The following ZNF140 variants were observed in gnomAD, a reference collection of about 807,000 sequenced individuals.
ZNF140 encodes zinc finger protein 140, also known as zinc finger protein 140 (clone pHZ-39).
ZNF140 carries 13 observed loss-of-function variants against 12.9 expected under a neutral mutation model. The observed-to-expected ratio is 1.01, with a 90% confidence interval of 0.66 to 1.60. The LOEUF (loss-of-function observed/expected upper bound fraction) is 1.60, where lower values mean the gene tolerates loss of function less well. Among genes scored for constraint, ZNF140 ranks in the 40% most tolerant of loss-of-function variants. ZNF140 has a pLI of 0.00. For missense variants in ZNF140, 531 were observed against 548.8 expected, an observed-to-expected ratio of 0.97 and a Z score of 0.32; for synonymous variants, 214 against 186.7, an observed-to-expected ratio of 1.15 and a Z score of -1.19.
chr12:133,090,064 G>A (rs1466919122), intron 4 of ZNF140, among the ~76,000 whole-genome samples: 1 of 151,978 alleles, frequency 6.6e-6, no homozygotes, highest in Admixed American at 6.6e-5. Context: ...GGCCAGGCTG[G>A]TCTTGAACTC....
chr12:133,095,465 C>T (rs1012166588), intron 4 of ZNF140, among the ~76,000 whole-genome samples: 32 of 148,296 alleles, frequency 2.2e-4, no homozygotes, highest in African/African-American at 7.1e-4. Context: ...CCACATCGGG[C>T]GCCAGATGAA....
chr12:133,082,940 A>T, intron 2 of ZNF140, 163 bp from the exon 3 acceptor site: 1 of 971,788 alleles, frequency 1.0e-6, no homozygotes, highest in Non-Finnish European at 1.5e-6. Context: ...ACAAAACACA[A>T]GAGCTAGGCT....
chr12:133,091,110 T>C (rs1954864255), intron 4 of ZNF140, among the ~76,000 whole-genome samples: 1 of 149,450 alleles, frequency 6.7e-6, no homozygotes, highest in Non-Finnish European at 1.5e-5. Context: ...CACAGACCTT[T>C]TACAGGTGTC....
chr12:133,081,356 T>TATATATATATATAC, intron 2 of ZNF140, 27 bp downstream of exon 2: 2 of 259,582 alleles, frequency 7.7e-6, no homozygotes, highest in Non-Finnish European at 6.4e-6. Context: ...TAAATATATA[T>TATATATATATATAC]ATATATATAT....
intron 4 of ZNF140, among the ~76,000 whole-genome samples, chr12:133,091,195 A>G (rs368373837): frequency 1.9e-4 from 29 of 150,532 alleles, no homozygotes; most frequent in African/African-American, 7.1e-4. Flanking sequence ...GAAACCTTGG[A>G]CAATACCCTG....
chr12:133,082,729 T>C (rs1316666852), intron 2 of ZNF140: 1 of 165,324 alleles, frequency 6.0e-6, no homozygotes, highest in African/African-American at 2.4e-5. Flanking sequence ...AAATTCTGGC[T>C]GAATTATATT....
chr12:133,092,631 G>A (rs1203411465), intron 4 of ZNF140, among the ~76,000 whole-genome samples: 1 of 151,164 alleles, frequency 6.6e-6, no homozygotes, highest in Non-Finnish European at 1.5e-5. Flanking sequence ...TTTGGTCGGG[G>A]TGATGAAATT....
At chr12:133,085,723 T>A (rs1057031494) in intron 4 of ZNF140, among the ~76,000 whole-genome samples, 10 of 152,234 alleles carry the variant, frequency 6.6e-5, no homozygotes, top group African/African-American at 2.2e-4. Context: ...AAATTATTTT[T>A]AAAATGTTTT....
At chr12:133,096,080 C>G (rs1247708502) in intron 4 of ZNF140, among the ~76,000 whole-genome samples, 2 of 151,554 alleles carry the variant, frequency 1.3e-5, no homozygotes, top group Non-Finnish European at 3.0e-5. Flanking sequence ...TCAGGTCTTT[C>G]TCATCCCACG....
chr12:133,084,137 T>G, intron 4 of ZNF140: 1 of 433,098 alleles, frequency 2.3e-6, no homozygotes, highest in East Asian at 7.2e-5. Context: ...TTCCCATTGT[T>G]AGTTCTGTCT....
At chr12:133,089,722 T>C (rs956818475) in intron 4 of ZNF140, among the ~76,000 whole-genome samples, 20 of 152,234 alleles carry the variant, frequency 1.3e-4, no homozygotes, top group Non-Finnish European at 2.9e-4. Context: ...ATATTAATAA[T>C]GTATGACATC....
At chr12:133,093,995 C>T (rs1954984884) in intron 4 of ZNF140, among the ~76,000 whole-genome samples, 1 of 151,174 alleles carries the variant, frequency 6.6e-6, no homozygotes, top group South Asian at 2.1e-4. Context: ...TTTTCTTTCT[C>T]TTTTTCTCCC....
At chr12:133,080,481 C>A (rs1272370995), upstream of ZNF140, 1 of 152,394 alleles carries the variant, frequency 6.6e-6, no homozygotes, top group Non-Finnish European at 1.5e-5. Flanking sequence ...GGCCTGAGTT[C>A]CACGTTCTTC....
chr12:133,097,473 C>G (rs1955169814), intron 4 of ZNF140, among the ~76,000 whole-genome samples: 1 of 151,972 alleles, frequency 6.6e-6, no homozygotes, highest in Non-Finnish European at 1.5e-5. Flanking sequence ...GAAACCTCGT[C>G]TCTACTAAAA....
At chr12:133,082,963 A>G in intron 2 of ZNF140, 140 bp from the exon 3 acceptor site, 1 of 1,272,974 alleles carries the variant, frequency 7.9e-7, no homozygotes, top group Middle Eastern at 2.1e-4. Flanking sequence ...TCATTATATA[A>G]TTACTCAGAA....
intron 4 of ZNF140, among the ~76,000 whole-genome samples, chr12:133,091,089 A>AG (rs1954862267): frequency 0.019 from 2,816 of 145,634 alleles, 113 homozygotes; most frequent in South Asian, 0.056. Flanking sequence ...TCTTTTACTC[A>AG]TCCATCTCAG....
At chr12:133,091,143 T>G (rs1954867320) in intron 4 of ZNF140, among the ~76,000 whole-genome samples, 2 of 150,088 alleles carry the variant, frequency 1.3e-5, no homozygotes, top group South Asian at 4.2e-4. Flanking sequence ...GGTCAGGTCT[T>G]TCTCATCCCA....
chr12:133,106,476 T>G lies in ZNF140; in HGVS notation c.1199T>G (p.Leu400Arg). ...CDKAFSRSFSLILHQRTHTGE... is the reference protein window; with the variant it reads ...CDKAFSRSFSRILHQRTHTGE... ...AAAGCCTTCAGCCGGAGCTTTTCCC[T>G]CATTCTACATCAGAGAACTCATACT... Residue 400 changes from leucine to arginine, a missense_variant, in exon 5 of 5, where the codon CTC becomes CGC. By Grantham distance (102) the Leu-to-Arg change is moderately radical. Coordinates refer to ENST00000355557, the MANE Select transcript of ZNF140 (RefSeq NM_003440.4). The G allele has an allele frequency of 1.2e-6, 2 of 1,614,128 alleles. No individual in the cohort carries two copies. Among genetic ancestry groups the G allele is most frequent in the Non-Finnish European group, 1.7e-6 (2 of 1,179,996 alleles).
At chr12:133,104,282 T>A (rs1300505799) in intron 4 of ZNF140, among the ~76,000 whole-genome samples, 1 of 152,162 alleles carries the variant, frequency 6.6e-6, no homozygotes, top group Non-Finnish European at 1.5e-5. Context: ...GAGAATAAGT[T>A]CTATATATTA....
Sources: allele counts gnomAD v4.1 joint callset (sites outside exome capture counted in the v4.1 genomes callset), GRCh38; gene constraint gnomAD v4.1.1; transcripts MANE v1.5; gene names NCBI Gene and HGNC (gene_info 2026-07-23, HGNC 2026-07-21).